LARS2: variants seen among roughly 807,000 people sequenced by gnomAD.
LARS2 encodes the protein leucine--tRNA ligase, mitochondrial.
A neutral mutation model predicts 116.6 loss-of-function variants in LARS2; 81 were observed. That is an observed-to-expected ratio of 0.69 (90% CI 0.58 to 0.84). The LOEUF (loss-of-function observed/expected upper bound fraction) is 0.84, where lower values mean the gene tolerates loss of function less well. LARS2 is among the 40% of genes least tolerant of loss of function. The pLI is 0.00. For missense variants in LARS2, 968 were observed against 1,114.5 expected (o/e 0.87, Z 1.87); for synonymous variants, 396 against 407.2 (o/e 0.97, Z 0.33).
chr3:45,536,593 C>A (rs1700708440), intron 20 of LARS2, among the ~76,000 whole-genome samples: 2 of 152,242 alleles, frequency 1.3e-5, no homozygotes, highest in African/African-American at 4.8e-5. Flanking sequence ...AGTGAACTCA[C>A]TTCTGTATGT....
intron 7 of LARS2, among the ~76,000 whole-genome samples, chr3:45,457,855 T>A (rs559485726): frequency 2.0e-5 from 3 of 152,348 alleles, no homozygotes; most frequent in South Asian, 4.1e-4. Flanking sequence ...ACTAGAACTC[T>A]ATGAGATAAT....
intron 17 of LARS2, 106 bp downstream of exon 17, chr3:45,516,382 C>G: frequency 8.7e-7 from 1 of 1,143,322 alleles, no homozygotes; most frequent in East Asian, 2.4e-5. Context: ...GTAGAGAATT[C>G]TAGGAATCAG....
intron 6 of LARS2, among the ~76,000 whole-genome samples, chr3:45,445,614 CTGGCTGGTGGTTCACTAGT>C (rs1699005250): frequency 6.6e-6 from 1 of 152,234 alleles, no homozygotes; most frequent in African/African-American, 2.4e-5. Flanking sequence ...AGCCCTTTGA[CTGGCTGGTGGTTCACTAGT>C]TGCCTTGAAG....
chr3:45,417,342 CT>C, intron 4 of LARS2, 139 bp from the exon 5 acceptor site: 1 of 659,712 alleles, frequency 1.5e-6, no homozygotes, highest in African/African-American at 1.8e-5. Context: ...AGCCAGCTGG[CT>C]GTCAGATGCA....
intron 6 of LARS2, among the ~76,000 whole-genome samples, chr3:45,423,168 T>C (rs1188458832): frequency 1.3e-5 from 2 of 152,204 alleles, no homozygotes; most frequent in South Asian, 2.1e-4. Context: ...AAAAATAGTG[T>C]ATTTCTCTTG....
intron 6 of LARS2, among the ~76,000 whole-genome samples, chr3:45,438,663 CCA>C (rs1491320207): frequency 5.1e-4 from 15 of 29,684 alleles, no homozygotes; most frequent in Non-Finnish European, 2.1e-3. Context: ...ACTAAAAATA[CCA>C]AAAAAAAAAA....
chr3:45,491,821 A>G (rs1480060653), intron 13 of LARS2, 21 bp downstream of exon 13: 3 of 1,607,016 alleles, frequency 1.9e-6, no homozygotes, highest in South Asian at 2.2e-5. Flanking sequence ...ACATCCCTGC[A>G]GTGGTGACTG....
intron 4 of LARS2, among the ~76,000 whole-genome samples, chr3:45,410,739 A>T (rs1245923624): frequency 6.6e-6 from 1 of 152,214 alleles, no homozygotes; most frequent in South Asian, 2.1e-4. Context: ...CAAGGAGAAA[A>T]GAGAGCCCTG....
chr3:45,500,714 C>A, intron 15 of LARS2, 135 bp downstream of exon 15: 1 of 641,160 alleles, frequency 1.6e-6, no homozygotes, highest in Non-Finnish European at 2.5e-6. Context: ...AGGTTGTCAA[C>A]CTTAATCATT....
intron 2 of LARS2, among the ~76,000 whole-genome samples, chr3:45,393,068 C>A (rs925886604): frequency 6.6e-6 from 1 of 152,158 alleles, no homozygotes; most frequent in Non-Finnish European, 1.5e-5. Flanking sequence ...TCAGTGAGGT[C>A]ATTTCCAGTA....
At position 45,414,738 on chromosome 3, in the gene LARS2, A is replaced by G. The variant is rs557753188; in HGVS notation, c.364-2744A>G. Among the ~76,000 whole-genome samples, 110 of 152,244 alleles carry G rather than the reference A, an allele frequency of 7.2e-4. 1 individual carries two copies. Among genetic ancestry groups the G allele is most frequent in the African/African-American group, 2.3e-3 (96 of 41,538 alleles). On this transcript the variant is annotated intron_variant, in intron 4 of 21. Coordinates refer to ENST00000645846, the MANE Select transcript of LARS2 (RefSeq NM_015340.4). ...AAACAAGACCCTGTCTCTTAAAAAA[A>G]AAAAAGGCAGCAAAATAAAACTTAC...
chr3:45,487,575 G>A (rs570548836), intron 11 of LARS2, among the ~76,000 whole-genome samples: 91 of 152,292 alleles, frequency 6.0e-4, no homozygotes, highest in Non-Finnish European at 1.1e-3. Flanking sequence ...TATAGCAGGG[G>A]TTCTCAACCA....
At chr3:45,496,144 C>A in intron 13 of LARS2, 131 bp from the exon 14 acceptor site, 1 of 695,338 alleles carries the variant, frequency 1.4e-6, no homozygotes, top group Non-Finnish European at 2.4e-6. Flanking sequence ...CAAGCGTGAG[C>A]CACCACACCC....
Position 45,476,493 on chromosome 3 carries a change from A to C in LARS2, c.884A>C (p.Lys295Thr). The change falls in exon 10 of 22, where the codon AAG (lysine) becomes ACG (threonine). Residue 295 changes from lysine (K) to threonine (T), a missense_variant. Physicochemically the swap from Lys to Thr is moderately conservative, Grantham distance 78 (BLOSUM62 -1). Coordinates refer to ENST00000645846, the MANE Select transcript of LARS2 (RefSeq NM_015340.4). The stretch of plus-strand genomic sequence containing the variant: ...GTTCATGGGCAAGCCACGGGCGAAA[A>C]GCTGACTGCCTATACGGCCACCCCT... ...LKVHGQATGE[K>T]LTAYTATPEA... 1.2e-6 allele frequency: 2 copies of C among 1,614,170 alleles called. No homozygotes were observed. Among genetic ancestry groups the C allele is most frequent in the Admixed American group, 1.7e-5 (1 of 60,026 alleles).
At chr3:45,532,681 G>T (rs540663446) in intron 20 of LARS2, among the ~76,000 whole-genome samples, 1 of 152,014 alleles carries the variant, frequency 6.6e-6, no homozygotes, top group Admixed American at 6.6e-5. Flanking sequence ...ACACTGTGTC[G>T]CCCAGGCTGG....
intron 20 of LARS2, 129 bp downstream of exon 20, chr3:45,524,237 A>G (rs1411525741): frequency 6.3e-6 from 4 of 632,176 alleles, no homozygotes; most frequent in Non-Finnish European, 5.7e-6. Context: ...ATACTCAGCA[A>G]CCTCTCTGTC....
chr3:45,463,125 C>T (rs894037245), intron 8 of LARS2, among the ~76,000 whole-genome samples: 1 of 152,086 alleles, frequency 6.6e-6, no homozygotes, highest in African/African-American at 2.4e-5. Flanking sequence ...ATACAGCAAG[C>T]GAAAGGGATT....
intron 10 of LARS2, chr3:45,483,975 G>A (rs1699748985): frequency 6.6e-6 from 1 of 151,630 alleles, no homozygotes; most frequent in African/African-American, 2.4e-5. Flanking sequence ...AAAATGATAG[G>A]ATTGTGTGAG....
rs1017997235 is a variant in LARS2, at chr3:45,458,677, A to G, written c.607-66A>G. 7 of 1,544,728 alleles carry G rather than the reference A, an allele frequency of 4.5e-6. No individual in the cohort carries two copies. The African/African-American group carries it at 8.3e-5, about 18-fold the overall frequency. On this transcript the variant is annotated intron_variant, in intron 7 of 21. Coordinates refer to ENST00000645846, the MANE Select transcript of LARS2 (RefSeq NM_015340.4). Reference sequence around the variant, plus strand: ...ACTCTAGCCCGGGCGACAGTGCGACACTCCCTGTCAAAAAAAAAAAAGAGT... The same window carrying G: ...ACTCTAGCCCGGGCGACAGTGCGACGCTCCCTGTCAAAAAAAAAAAAGAGT...
Sources: gnomAD v4.1 joint callset for allele counts (sites outside exome capture counted in the v4.1 genomes callset) on GRCh38, gnomAD v4.1.1 for gene constraint, MANE v1.5 for transcripts, NCBI Gene and HGNC (gene_info 2026-07-23, HGNC 2026-07-21) for gene names.